ZNF142: variants seen among roughly 807,000 people sequenced by gnomAD.
ZNF142 encodes the protein zinc finger protein 142 (clone pHZ-49).
In ZNF142, 96 loss-of-function variants were observed where a neutral mutation model predicts 132.1. The ratio of observed to expected loss-of-function variants is 0.73; its 90% CI spans 0.62 to 0.86. The LOEUF (loss-of-function observed/expected upper bound fraction) is 0.86. ZNF142 is among the 40% of genes least tolerant of loss of function. The probability of loss-of-function intolerance (pLI) is 0.00; values close to 1 mark genes in which losing one functional copy is unlikely to be tolerated. For synonymous variants in ZNF142, 842 were observed against 890.1 expected (o/e 0.95, Z 0.96); for missense variants, 2,163 against 2,336.2 (o/e 0.93, Z 1.53).
intron 7 of ZNF142, among the ~76,000 whole-genome samples, chr2:218,646,725 C>G (rs916875352): frequency 6.6e-6 from 1 of 152,186 alleles, no homozygotes; most frequent in South Asian, 2.1e-4. Context: ...GCTGGGATTA[C>G]AGGTGCCCGC....
At chr2:218,654,426 G>A (rs1293769270) in intron 4 of ZNF142, among the ~76,000 whole-genome samples, 2 of 150,386 alleles carry the variant, frequency 1.3e-5, no homozygotes, top group South Asian at 2.1e-4. Context: ...GGGTTCAGTG[G>A]TGCGATCTTG....
At chr2:218,652,475 C>T (rs1938100820) in intron 4 of ZNF142, among the ~76,000 whole-genome samples, 175 bp from the exon 5 acceptor site, 1 of 152,174 alleles carries the variant, frequency 6.6e-6, no homozygotes, top group African/African-American at 2.4e-5. Context: ...GACCATCTAT[C>T]TGGCACGTGT....
At chr2:218,652,357 GGA>G in intron 4 of ZNF142, 57 bp from the exon 5 acceptor site, 1 of 453,858 alleles carries the variant, frequency 2.2e-6, no homozygotes, top group Non-Finnish European at 4.4e-6. Context: ...AAGACTCATA[GGA>G]GTTAGTTACT....
rs965499824 is a variant in ZNF142 at position 218,644,370 on chromosome 2, T to C, written c.2746A>G (p.Thr916Ala). ...SVTEPPLEEV[T>A]ETAPMEFRPL... is the part of the protein sequence containing the mutation. Reference sequence around the variant, plus strand: ...CTGAACTCCATAGGGGCTGTTTCAGTGACCTCCTCAAGGGGTGGCTCAGTC... The same window carrying C: ...CTGAACTCCATAGGGGCTGTTTCAGCGACCTCCTCAAGGGGTGGCTCAGTC... The change falls in exon 9 of 11, where the codon ACT (threonine) becomes GCT (alanine). Residue 916 changes from threonine to alanine, a missense_variant. This residue lies in a region of ZNF142 where 749 missense variants were observed against 830.3 expected (regional missense o/e 0.90). Transcript: ENST00000411696. This position sits in a 1 kb window ranked among gnomAD's most constrained non-coding sequence, Gnocchi z 4.6. 6.2e-7 allele frequency: 1 copy of C among 1,614,102 alleles called. No individual in the cohort carries two copies. Among genetic ancestry groups the C allele is most frequent in the African/African-American group, 1.3e-5 (1 of 75,030 alleles).
At position 218,659,198 on chromosome 2, in the gene ZNF142, T is replaced by C. The variant is rs1270829879; in HGVS notation, c.-361-68A>G. ...GGTACCCGGGCGGGGTCCAGAACCG[T>C]GACGCGACTGCAGCGCCGGGGCCCA... is the stretch of plus-strand genomic sequence containing the variant. On this transcript the variant is annotated intron_variant, in intron 1 of 10. Coordinates refer to ENST00000411696, the MANE Select transcript of ZNF142 (RefSeq NM_001379659.1). The surrounding 1 kb of genome is among the most constrained non-coding windows in gnomAD (Gnocchi z 4.4). 6.6e-6 allele frequency: 1 copy of C among 152,404 alleles called. No homozygotes were observed. The highest frequency in any genetic ancestry group is 1.5e-5 in the Non-Finnish European group (1 of 68,226). The allele number at this position is 152,404 out of a possible 1,614,324, so 9.4% of individuals were successfully genotyped here. A position where few individuals can be genotyped will look rare whatever the true frequency, so the allele number is the denominator to read the frequency against.
Position 218,634,544 on chromosome 2 carries a change from A to G in ZNF142, c.*3795T>C. 6.2e-7 allele frequency: 1 copy of G among 1,614,040 alleles called. No individual in the cohort carries two copies. Among genetic ancestry groups the G allele is most frequent in the South Asian group, 1.1e-5 (1 of 91,084 alleles). The stretch of plus-strand genomic sequence containing the variant: ...GAATGGCGGCTGTGGCTATGTGCTG[A>G]AGCCAGACTTCCTGCGTGATATCCA... On this transcript the variant is annotated 3_prime_UTR_variant, in exon 11 of 11. Coordinates refer to ENST00000411696, the MANE Select transcript of ZNF142 (RefSeq NM_001379659.1). This position sits in a 1 kb window ranked among gnomAD's most constrained non-coding sequence, Gnocchi z 4.0.
chr2:218,635,726 G>A lies in ZNF142; in HGVS notation c.*2613C>T. ...AAACCAAAAAGCTTCTTCTCCCCTG[G>A]GGTTGGGAGTAGGGTCGGGTGGGGC... On this transcript the variant is annotated 3_prime_UTR_variant, in exon 11 of 11. Transcript: ENST00000411696. The A allele has an allele frequency of 6.5e-7, 1 of 1,543,444 alleles. No homozygotes were observed. The highest frequency in any genetic ancestry group is 8.8e-7 in the Non-Finnish European group (1 of 1,142,834).
intron 10 of ZNF142, among the ~76,000 whole-genome samples, chr2:218,640,319 G>A (rs1697082740): frequency 6.6e-6 from 1 of 152,158 alleles, no homozygotes; most frequent in African/African-American, 2.4e-5. Context: ...TTTAACTCAT[G>A]ATAGTTCCAT....
At position 218,644,061 on chromosome 2, in the gene ZNF142, C is replaced by T. The variant is rs750750707; in HGVS notation, c.3055G>A (p.Val1019Met). The change falls in exon 9 of 11, where the codon GTG becomes ATG. Residue 1019 changes from valine to methionine, a missense_variant. Physicochemically the swap from Val to Met is conservative, Grantham distance 21 (BLOSUM62 1). This residue lies in a region of ZNF142 where 809 missense variants were observed against 801.7 expected (regional missense o/e 1.01). Coordinates refer to ENST00000411696, the MANE Select transcript of ZNF142 (RefSeq NM_001379659.1). The surrounding 1 kb of genome is among the most constrained non-coding windows in gnomAD (Gnocchi z 4.6). ...ACCATCTGCACCCGCCCCTCTAGCA[C>T]CAATGCCTCTGCTTGTTCTTTGTCC... ...RQDKEQAEAL[V>M]LEGRVQMVVI... The T allele has an allele frequency of 6.2e-7, 1 of 1,614,098 alleles. No homozygotes were observed. The highest frequency in any genetic ancestry group is 8.5e-7 in the Non-Finnish European group (1 of 1,180,006).
rs77790156 is a variant in ZNF142 at position 218,649,889 on chromosome 2, A to T, written c.1049-430T>A. ...TCTTACTGGCTCACAGGCTCTAGAT[A>T]ATAATGAAGTTGGTAATAAATACAA... On this transcript the variant is annotated intron_variant, in intron 6 of 10. Transcript: ENST00000411696. 5.9e-3 allele frequency among the ~76,000 whole-genome samples: 895 copies of T among 152,366 alleles called. 9 individuals are homozygous for T. The highest frequency in any genetic ancestry group is 0.02 in the African/African-American group (833 of 41,580).
rs1028342962 is a variant in ZNF142 at position 218,637,691 on chromosome 2, T to C, written c.*648A>G. ...TTAGTGGGTAGCAATCCTCCCTCTATAGATACAGGTAGACAAAGGAGCTTG... is the reference window on the plus strand; with the variant it reads ...TTAGTGGGTAGCAATCCTCCCTCTACAGATACAGGTAGACAAAGGAGCTTG... On this transcript the variant is annotated 3_prime_UTR_variant, in exon 11 of 11. Coordinates refer to ENST00000411696, the MANE Select transcript of ZNF142 (RefSeq NM_001379659.1). Among the ~76,000 whole-genome samples the C allele has an allele frequency of 3.9e-5, 6 of 152,136 alleles. No individual in the cohort carries two copies. Among genetic ancestry groups the C allele is most frequent in the Admixed American group, 3.3e-4 (5 of 15,262 alleles).
chr2:218,634,304 G>C lies in ZNF142; in HGVS notation c.*4035C>G. 6.4e-7 allele frequency: 1 copy of C among 1,570,368 alleles called. No individual in the cohort carries two copies. Among genetic ancestry groups the C allele is most frequent in the Non-Finnish European group, 8.6e-7 (1 of 1,157,820 alleles). ...GTTCTCTAGTGATGGTAGGGTTGGG[G>C]AATGCTCAAGAAAATTGCTAGGCTG... On this transcript the variant is annotated 3_prime_UTR_variant, in exon 11 of 11. Transcript: ENST00000411696. This position sits in a 1 kb window ranked among gnomAD's most constrained non-coding sequence, Gnocchi z 4.0.
Position 218,634,116 on chromosome 2 carries a change from G to C in ZNF142, c.*4223C>G, listed in dbSNP as rs1284949733. The C allele has an allele frequency of 1.2e-6, 2 of 1,610,496 alleles. No homozygotes were observed. The highest frequency in any genetic ancestry group is 2.7e-5 in the African/African-American group (2 of 74,870). On this transcript the variant is annotated 3_prime_UTR_variant, in exon 11 of 11. Transcript: ENST00000411696. The surrounding 1 kb of genome is among the most constrained non-coding windows in gnomAD (Gnocchi z 4.0). The stretch of plus-strand genomic sequence containing the variant: ...ATACCCTTTTACAGGCAATGAGTTT[G>C]TGCAGCACAATACTTGGCAGTTAAG...
Position 218,635,881 on chromosome 2 carries a change from G to C in ZNF142, c.*2458C>G. On this transcript the variant is annotated 3_prime_UTR_variant, in exon 11 of 11. Coordinates refer to ENST00000411696, the MANE Select transcript of ZNF142 (RefSeq NM_001379659.1). ...CCACTGGTGAAAGTGCAGATCTTTGGCGTTCGTCTAGACACAGCACGGCAG... is the reference window on the plus strand; with the variant it reads ...CCACTGGTGAAAGTGCAGATCTTTGCCGTTCGTCTAGACACAGCACGGCAG... 1 of 1,613,910 alleles carries C rather than the reference G, an allele frequency of 6.2e-7. No individual in the cohort carries two copies. The highest frequency in any genetic ancestry group is 1.3e-5 in the African/African-American group (1 of 74,994).
chr2:218,639,826 C>T (rs914220603), intron 10 of ZNF142, among the ~76,000 whole-genome samples: 12 of 148,894 alleles, frequency 8.1e-5, no homozygotes, highest in Middle Eastern at 3.4e-3. Flanking sequence ...GAGGCCGAGG[C>T]GGGCGGATCA....
chr2:218,646,231 T>A lies in ZNF142; in HGVS notation c.1991A>T (p.Tyr664Phe), dbSNP rs376667902. ...TKDYMCTECG[Y>F]VTKWKHYLRV... ...GAGGTAGTGCTTCCACTTGGTGACA[T>A]AGCCACATTCAGTGCACATGTAATC... Residue 664 changes from tyrosine (Y) to phenylalanine (F), a missense_variant, in exon 8 of 11, where the codon TAT becomes TTT. Tyr to Phe is a conservative substitution (Grantham distance 22, BLOSUM62 3). Transcript: ENST00000411696. 1.2e-6 allele frequency: 2 copies of A among 1,614,100 alleles called. No homozygotes were observed.
chr2:218,633,952 G>C lies in ZNF142; in HGVS notation c.*4387C>G. On this transcript the variant is annotated 3_prime_UTR_variant, in exon 11 of 11. Coordinates refer to ENST00000411696, the MANE Select transcript of ZNF142 (RefSeq NM_001379659.1). ...TCAAGGGTCTAGGGGCAGGAAAGCT[G>C]GTCTGGATGGACAGAGTAGAGAGGC... The C allele has an allele frequency of 8.1e-7, 1 of 1,229,712 alleles. No homozygotes were observed. Among genetic ancestry groups the C allele is most frequent in the South Asian group, 1.5e-5 (1 of 68,726 alleles). 76.2% of individuals were successfully genotyped at this position (1,229,712 alleles called of 1,614,324 possible).
Position 218,636,024 on chromosome 2 carries a change from C to A in ZNF142, c.*2315G>T. On this transcript the variant is annotated 3_prime_UTR_variant, in exon 11 of 11. Coordinates refer to ENST00000411696, the MANE Select transcript of ZNF142 (RefSeq NM_001379659.1). ...CCATTAAGTATAGCATCTGTTATTG[C>A]ATGTCCCCACATGGGAGGCAGTGTG... is the stretch of plus-strand genomic sequence containing the variant. 1 of 1,555,194 alleles carries A rather than the reference C, an allele frequency of 6.4e-7. No individual in the cohort carries two copies. Among genetic ancestry groups the A allele is most frequent in the Non-Finnish European group, 8.8e-7 (1 of 1,138,110 alleles).
chr2:218,655,848 T>A (rs1018151447), intron 4 of ZNF142, among the ~76,000 whole-genome samples: 1 of 152,100 alleles, frequency 6.6e-6, no homozygotes, highest in Non-Finnish European at 1.5e-5. Flanking sequence ...CTCCAAGGAC[T>A]GTAAGAGTAG....
Sources: allele counts gnomAD v4.1 joint callset (sites outside exome capture counted in the v4.1 genomes callset), GRCh38; gene constraint gnomAD v4.1.1; regional missense constraint gnomAD v4.1.1; non-coding constraint Gnocchi (gnomAD v3.1); transcripts MANE v1.5; gene names NCBI Gene and HGNC (gene_info 2026-07-23, HGNC 2026-07-21).